Variants in ATG13 observed in about 807,000 individuals in gnomAD.
ATG13 encodes the protein autophagy related 13.
ATG13 carries 23 observed loss-of-function variants against 65.5 expected under a neutral mutation model. The ratio of observed to expected loss-of-function variants is 0.35; its 90% CI spans 0.25 to 0.50. The LOEUF is 0.50. Among genes scored for constraint, ATG13 ranks in the 20% least tolerant of loss-of-function variants. ATG13 has a pLI of 0.98. For synonymous variants in ATG13, 252 were observed against 245.2 expected, an observed-to-expected ratio of 1.03 and a Z score of -0.26; for missense variants, 566 against 677.0, an observed-to-expected ratio of 0.84 and a Z score of 1.82.
Position 46,649,178 on chromosome 11 carries a change from T to G in ATG13, c.312T>G (p.Asn104Lys). Residue 104 changes from asparagine to lysine, a missense_variant, in exon 6 of 19, where the codon AAT (asparagine) becomes AAG (lysine). By Grantham distance (94) the Asn-to-Lys change is moderately conservative (BLOSUM62 0). Around this residue, in one of 2 missense-constraint regions of ATG13, gnomAD observed 179 missense variants for 267.2 expected, o/e 0.67. Transcript: ENST00000683050. The stretch of plus-strand genomic sequence containing the variant: ...TGGAAATATGGTGTCTTGAAATGAA[T>G]GAAAAGTAAGTGCTGCGTCTTAGGG... ...MELEIWCLEM[N>K]EKCDKEIKVS... 6.2e-7 allele frequency: 1 copy of G among 1,613,332 alleles called. No individual in the cohort carries two copies. The highest frequency in any genetic ancestry group is 8.5e-7 in the Non-Finnish European group (1 of 1,179,540).
rs888493039 is a variant in ATG13, at chr11:46,667,837, A to G, written c.1201A>G (p.Thr401Ala). Residue 401 changes from threonine to alanine, a missense_variant, in exon 15 of 19, where the codon ACC (threonine) becomes GCC (alanine). Transcript: ENST00000683050. ...GGCCTCCCCTCACGATGTCTTGGAG[A>G]CCATCTTTGTCCGAAAAGTGGGGGC... ...GRASPHDVLE[T>A]IFVRKVGAFV... The G allele has an allele frequency of 6.8e-6, 11 of 1,613,036 alleles. No individual in the cohort carries two copies. The highest frequency in any genetic ancestry group is 9.3e-6 in the Non-Finnish European group (11 of 1,179,102).
chr11:46,656,641 C>A (rs981636751), intron 8 of ATG13, among the ~76,000 whole-genome samples: 4 of 152,148 alleles, frequency 2.6e-5, no homozygotes, highest in Non-Finnish European at 4.4e-5. Flanking sequence ...AAGGCCTTGG[C>A]TCTTTACTTA....
chr11:46,646,056 C>A, intron 5 of ATG13, 67 bp downstream of exon 5: 1 of 1,590,292 alleles, frequency 6.3e-7, no homozygotes, highest in South Asian at 1.1e-5. Flanking sequence ...GAGTCCAGTT[C>A]ATTTCTCAGT....
chr11:46,657,062 C>T (rs1438871242), intron 8 of ATG13, 33 bp from the exon 9 acceptor site: 1 of 1,560,308 alleles, frequency 6.4e-7, no homozygotes, highest in South Asian at 1.1e-5. Context: ...GTATTCTCTG[C>T]AAAAGAAGCT....
At chr11:46,644,430 A>C (rs1174150808) in intron 3 of ATG13, 70 bp downstream of exon 3, 30 of 1,338,732 alleles carry the variant, frequency 2.2e-5, no homozygotes, top group Non-Finnish European at 2.8e-5. Flanking sequence ...TTTGCGAACA[A>C]CTCTCTTTGG....
At chr11:46,663,846 C>T (rs1294293262) in intron 11 of ATG13, 151 bp from the exon 12 acceptor site, 24 of 560,474 alleles carry the variant, frequency 4.3e-5, no homozygotes, top group Non-Finnish European at 6.5e-5. Flanking sequence ...GACAGCCCCA[C>T]GCCCTTGCCC....
Position 46,625,793 on chromosome 11 carries a change from G to A in ATG13, c.-69-4252G>A, listed in dbSNP as rs139834704. Among the ~76,000 whole-genome samples, 621 of 152,286 alleles carry A rather than the reference G, an allele frequency of 4.1e-3. 3 individuals are homozygous for A. Among genetic ancestry groups the A allele is most frequent in the Non-Finnish European group, 6.1e-3 (414 of 68,022 alleles). On this transcript the variant is annotated intron_variant, in intron 1 of 18. Coordinates refer to ENST00000683050, the MANE Select transcript of ATG13 (RefSeq NM_001346311.2). Reference sequence around the variant, plus strand: ...TGGTGTTACAACATACAGAAGAACAGTTGTTCCTTTAGGTGGGTCTGGATT... The same window carrying A: ...TGGTGTTACAACATACAGAAGAACAATTGTTCCTTTAGGTGGGTCTGGATT...
At chr11:46,649,243 A>G (rs2058409070) in intron 6 of ATG13, 60 bp downstream of exon 6, 3 of 1,556,794 alleles carry the variant, frequency 1.9e-6, no homozygotes, top group Non-Finnish European at 2.6e-6. Context: ...AGATGACATC[A>G]TGTGAAAAGC....
At chr11:46,669,813 C>A (rs574071885) in intron 18 of ATG13, among the ~76,000 whole-genome samples, 36 of 152,192 alleles carry the variant, frequency 2.4e-4, no homozygotes, top group African/African-American at 8.4e-4. Flanking sequence ...GCCACTAGGC[C>A]AAGTTGCTCT....
At chr11:46,635,335 AAT>A (rs1735628916) in intron 2 of ATG13, among the ~76,000 whole-genome samples, 8 of 152,284 alleles carry the variant, frequency 5.3e-5, no homozygotes, top group Admixed American at 5.2e-4. Context: ...ATTAAGACAT[AAT>A]AATTGTTGTA....
In ATG13 at chr11:46,623,563, G is replaced by A. The variant is rs187095604; in HGVS notation, c.-70+5673G>A. Among the ~76,000 whole-genome samples the A allele has an allele frequency of 5.2e-3, 783 of 152,034 alleles. 9 individuals carry two copies. The highest frequency in any genetic ancestry group is 0.018 in the African/African-American group (737 of 41,494). The stretch of plus-strand genomic sequence containing the variant: ...CTGCCTCAGCCTCCCAAGTAGCTGG[G>A]ATTACAGGTGTGCACCACCACACCC... On this transcript the variant is annotated intron_variant, in intron 1 of 18. Transcript: ENST00000683050.
chr11:46,646,549 C>T (rs941400597), intron 5 of ATG13, among the ~76,000 whole-genome samples: 2 of 151,916 alleles, frequency 1.3e-5, no homozygotes, highest in Non-Finnish European at 2.9e-5. Flanking sequence ...CTCCAGCCTC[C>T]GCTTCCTGGA....
chr11:46,668,822 A>T lies in ATG13; in HGVS notation c.1358A>T (p.Glu453Val). 1 of 1,613,912 alleles carries T rather than the reference A, an allele frequency of 6.2e-7. No homozygotes were observed. Among genetic ancestry groups the T allele is most frequent in the Non-Finnish European group, 8.5e-7 (1 of 1,180,000 alleles). ...MVNPPDSPET[E>V]SPLQGSLHSD... ...AATCCTCCAGATTCCCCAGAGACTG[A>T]ATCTCCTCTCCAGGGCAGCCTGCAC... Residue 453 changes from glutamate to valine, a missense_variant, in exon 17 of 19, where the codon GAA becomes GTA. Coordinates refer to ENST00000683050, the MANE Select transcript of ATG13 (RefSeq NM_001346311.2).
At chr11:46,637,306 T>C (rs2054297037) in intron 2 of ATG13, among the ~76,000 whole-genome samples, 1 of 152,206 alleles carries the variant, frequency 6.6e-6, no homozygotes, top group Non-Finnish European at 1.5e-5. Context: ...GATGCAGTGG[T>C]GCAATAAAAC....
intron 11 of ATG13, among the ~76,000 whole-genome samples, chr11:46,663,093 G>A (rs913036711): frequency 1.3e-5 from 2 of 151,802 alleles, no homozygotes; most frequent in Admixed American, 6.6e-5. Context: ...GTGAAACCCC[G>A]TCTCTACTAA....
At position 46,650,253 on chromosome 11, in the gene ATG13, A is replaced by T; in HGVS notation, c.394A>T (p.Thr132Ser). 1 of 1,614,120 alleles carries T rather than the reference A, an allele frequency of 6.2e-7. No homozygotes were observed. Among genetic ancestry groups the T allele is most frequent in the Non-Finnish European group, 8.5e-7 (1 of 1,180,010 alleles). Residue 132 changes from threonine (T) to serine (S), a missense_variant, in exon 7 of 19, where the codon ACT (threonine) becomes TCT (serine). This residue lies in a region of ATG13 where 179 missense variants were observed against 267.2 expected (regional missense o/e 0.67). Coordinates refer to ENST00000683050, the MANE Select transcript of ATG13 (RefSeq NM_001346311.2). ...GCTGCTGAAGTCCCTTCTTGCTATA[A>T]CTAGGGTGACACCAGCCTATAGGCT... ...SLLLKSLLAI[T>S]RVTPAYRLSR...
chr11:46,645,166 GGT>G (rs568383994), intron 3 of ATG13, among the ~76,000 whole-genome samples, 171 bp from the exon 4 acceptor site: 1 of 151,974 alleles, frequency 6.6e-6, no homozygotes, highest in Non-Finnish European at 1.5e-5. Context: ...TTTTGTATGT[GGT>G]GTTTTTTCTG....
At chr11:46,652,370 TC>T (rs1001179445) in intron 7 of ATG13, among the ~76,000 whole-genome samples, 7 of 152,224 alleles carry the variant, frequency 4.6e-5, no homozygotes, top group Non-Finnish European at 8.8e-5. Context: ...ACTTGGCTTT[TC>T]CACCTGCTTT....
At chr11:46,619,537 A>G (rs970317518) in intron 1 of ATG13, among the ~76,000 whole-genome samples, 1 of 151,582 alleles carries the variant, frequency 6.6e-6, no homozygotes, top group Non-Finnish European at 1.5e-5. Context: ...GACATGTGCC[A>G]GCACGCCCAG....
Sources: allele counts gnomAD v4.1 joint callset (sites outside exome capture counted in the v4.1 genomes callset), GRCh38; gene constraint gnomAD v4.1.1; regional missense constraint gnomAD v4.1.1; transcripts MANE v1.5; gene names NCBI Gene and HGNC (gene_info 2026-07-23, HGNC 2026-07-21).